The following CNTN5 variants were observed in gnomAD, a reference collection of about 807,000 sequenced individuals.
CNTN5 encodes the protein contactin-5.
A neutral mutation model predicts 129.1 loss-of-function variants in CNTN5; 77 were observed. The ratio of observed to expected loss-of-function variants is 0.60; its 90% CI spans 0.50 to 0.72. CNTN5 has a LOEUF of 0.72. Ranked by LOEUF, CNTN5 falls within the 30% of genes least tolerant of loss-of-function variation. The probability of loss-of-function intolerance (pLI) is 0.00; values close to 1 mark genes in which losing one functional copy is unlikely to be tolerated. For synonymous variants in CNTN5, 509 were observed against 465.6 expected (o/e 1.09, Z -1.20); for missense variants, 1,478 against 1,328.8 (o/e 1.11, Z -1.75).
intron 1 of CNTN5, among the ~76,000 whole-genome samples, chr11:99,106,951 A>G (rs1170045746): frequency 6.6e-6 from 1 of 152,168 alleles, no homozygotes; most frequent in Non-Finnish European, 1.5e-5. Flanking sequence ...GACTAATCCT[A>G]CGAGACCAAA....
chr11:99,194,534 A>G (rs1459001666), intron 1 of CNTN5, among the ~76,000 whole-genome samples: 1 of 152,210 alleles, frequency 6.6e-6, no homozygotes, highest in African/African-American at 2.4e-5. Context: ...AGATCTGGAA[A>G]GTAAGCTTTG....
chr11:99,913,279 T>C (rs2136000843), intron 6 of CNTN5, among the ~76,000 whole-genome samples: 1 of 152,174 alleles, frequency 6.6e-6, no homozygotes, highest in South Asian at 2.1e-4. Flanking sequence ...TTTTTTTACA[T>C]AAACCATTCT....
At chr11:99,185,045 G>A (rs1264721124) in intron 1 of CNTN5, among the ~76,000 whole-genome samples, 1 of 150,078 alleles carries the variant, frequency 6.7e-6, no homozygotes, top group East Asian at 2.0e-4. Flanking sequence ...TACAAAAGAA[G>A]AAAAAGAAAA....
At chr11:100,001,168 A>G (rs1939848343) in intron 8 of CNTN5, among the ~76,000 whole-genome samples, 1 of 152,150 alleles carries the variant, frequency 6.6e-6, no homozygotes, top group African/African-American at 2.4e-5. Flanking sequence ...TTTCTTTTCT[A>G]CCACATGAAA....
At chr11:99,866,339 T>C (rs1948356140) in intron 6 of CNTN5, among the ~76,000 whole-genome samples, 1 of 152,212 alleles carries the variant, frequency 6.6e-6, no homozygotes, top group Admixed American at 6.5e-5. Context: ...TAGTATTTTT[T>C]TTCCATTTAA....
At chr11:99,392,135 G>A (rs192603837) in intron 2 of CNTN5, among the ~76,000 whole-genome samples, 38 of 151,614 alleles carry the variant, frequency 2.5e-4, no homozygotes, top group East Asian at 1.4e-3. Flanking sequence ...AGATATTTGC[G>A]TGACTATTTA....
intron 2 of CNTN5, among the ~76,000 whole-genome samples, chr11:99,449,272 T>A (rs905393163): frequency 3.3e-5 from 5 of 152,222 alleles, no homozygotes; most frequent in African/African-American, 1.2e-4. Context: ...AGTTCATGGA[T>A]AATGATCTTG....
chr11:100,350,121 A>T (rs1207520481), intron 23 of CNTN5, among the ~76,000 whole-genome samples: 1 of 151,938 alleles, frequency 6.6e-6, no homozygotes, highest in Non-Finnish European at 1.5e-5. Flanking sequence ...TTAAAAAAAT[A>T]AAATTTTCAC....
intron 24 of CNTN5, among the ~76,000 whole-genome samples, chr11:100,353,006 T>C (rs1048599732): frequency 6.6e-6 from 1 of 151,512 alleles, no homozygotes; most frequent in African/African-American, 2.4e-5. Flanking sequence ...TTGGGTTAGG[T>C]ATTTTATTCT....
At chr11:99,068,416 T>A in intron 1 of CNTN5, among the ~76,000 whole-genome samples, 1 of 152,114 alleles carries the variant, frequency 6.6e-6, no homozygotes, top group East Asian at 1.9e-4. Context: ...GACTAAGATA[T>A]GGGTTCAATT....
At chr11:99,563,129 G>A (rs1045400635) in intron 3 of CNTN5, among the ~76,000 whole-genome samples, 12 of 152,142 alleles carry the variant, frequency 7.9e-5, no homozygotes, top group Non-Finnish European at 1.6e-4. Context: ...CGGTGGGAAA[G>A]AAGGAAAGCA....
chr11:99,629,817 G>A (rs996223608), intron 3 of CNTN5, among the ~76,000 whole-genome samples: 9 of 151,612 alleles, frequency 5.9e-5, no homozygotes, highest in Non-Finnish European at 1.2e-4. Context: ...AAATGTTAGA[G>A]TGGAGACTGA....
chr11:99,676,745 C>G (rs1161554970), intron 3 of CNTN5, among the ~76,000 whole-genome samples: 1 of 152,048 alleles, frequency 6.6e-6, no homozygotes, highest in Admixed American at 6.6e-5. Context: ...TTAGTAAGTT[C>G]TTTAACTTGC....
chr11:99,034,299 G>A (rs1243150912), intron 1 of CNTN5, among the ~76,000 whole-genome samples: 1 of 152,040 alleles, frequency 6.6e-6, no homozygotes, highest in Non-Finnish European at 1.5e-5. Context: ...GAGTTAGGGA[G>A]GATTCCCTCT....
chr11:99,836,385 A>G (rs1249148194), intron 4 of CNTN5, among the ~76,000 whole-genome samples: 11 of 150,326 alleles, frequency 7.3e-5, no homozygotes, highest in African/African-American at 2.2e-4. Context: ...GAGTGAGAAC[A>G]TGCGGTGTTT....
intron 4 of CNTN5, among the ~76,000 whole-genome samples, chr11:99,820,793 G>C (rs935219262): frequency 6.6e-6 from 1 of 152,318 alleles, no homozygotes; most frequent in East Asian, 1.9e-4. Flanking sequence ...ATGATTTTAA[G>C]ACTAGTACAC....
rs115792456 is a variant in CNTN5 at position 99,972,283 on chromosome 11, T to C, written c.877+15274T>C. ...TTCAAAAAATAAGTAAATAAATAAATAAAAATAAAAAAATGTAAAAATATT... is the reference window on the plus strand; with the variant it reads ...TTCAAAAAATAAGTAAATAAATAAACAAAAATAAAAAAATGTAAAAATATT... On this transcript the variant is annotated intron_variant, in intron 8 of 24. Transcript: ENST00000524871. Among the ~76,000 whole-genome samples the C allele has an allele frequency of 9.2e-3, 1,397 of 151,574 alleles. 22 individuals carry two copies. The highest frequency in any genetic ancestry group is 0.03 in the African/African-American group (1,220 of 41,344).
intron 1 of CNTN5, among the ~76,000 whole-genome samples, chr11:99,095,546 GAGTA>G (rs1866436322): frequency 1.3e-5 from 2 of 151,906 alleles, no homozygotes; most frequent in African/African-American, 4.8e-5. Context: ...AGCTAAGAAA[GAGTA>G]AGGGCAGAAA....
intron 2 of CNTN5, among the ~76,000 whole-genome samples, chr11:99,347,132 T>A (rs909429299): frequency 1.3e-5 from 2 of 152,332 alleles, no homozygotes; most frequent in Middle Eastern, 3.4e-3. Flanking sequence ...TTAATATCCC[T>A]GATTCCTTCA....
Sources: allele counts gnomAD v4.1 joint callset (sites outside exome capture counted in the v4.1 genomes callset), GRCh38; gene constraint gnomAD v4.1.1; transcripts MANE v1.5; gene names NCBI Gene and HGNC (gene_info 2026-07-23, HGNC 2026-07-21).